SFMBT1: variants seen among roughly 807,000 people sequenced by gnomAD.
The protein encoded by SFMBT1 is Scm like with four mbt domains 1, also known as scm-like with four MBT domains protein 1.
Under a neutral mutation model 108.7 loss-of-function variants are expected in SFMBT1, and 32 were observed. That is an observed-to-expected ratio of 0.29 (90% confidence interval 0.22 to 0.40). The LOEUF (loss-of-function observed/expected upper bound fraction) is 0.40, where lower values mean the gene tolerates loss of function less well. SFMBT1 is among the 10% of genes least tolerant of loss of function. The pLI, the probability that SFMBT1 is intolerant of heterozygous loss-of-function variation, is 1.00. For synonymous variants in SFMBT1, 348 were observed against 369.5 expected (o/e 0.94, Z 0.67); for missense variants, 816 against 1,059.6 (o/e 0.77, Z 3.19).
At chr3:52,919,385 A>C (rs1702451788) in intron 12 of SFMBT1, among the ~76,000 whole-genome samples, 1 of 152,230 alleles carries the variant, frequency 6.6e-6, no homozygotes, top group Admixed American at 6.5e-5. Context: ...AACATGGATG[A>C]ACTCTGAGAG....
At chr3:52,968,433 CATATT>C (rs1166908830) in intron 2 of SFMBT1, among the ~76,000 whole-genome samples, 1 of 151,970 alleles carries the variant, frequency 6.6e-6, no homozygotes, top group Non-Finnish European at 1.5e-5. Flanking sequence ...AGTTTTATAT[CATATT>C]ATAGTAACTA....
At chr3:52,981,611 T>C (rs1394243159) in intron 1 of SFMBT1, among the ~76,000 whole-genome samples, 1 of 149,384 alleles carries the variant, frequency 6.7e-6, no homozygotes, top group Non-Finnish European at 1.5e-5. Flanking sequence ...ACTCCTGGGC[T>C]CAAGCAATCC....
intron 1 of SFMBT1, among the ~76,000 whole-genome samples, chr3:52,996,636 A>G (rs1698343492): frequency 6.6e-6 from 1 of 150,502 alleles, no homozygotes; most frequent in Non-Finnish European, 1.5e-5. Context: ...ACTATGAAGT[A>G]TCATTACACA....
At chr3:53,044,797 C>T (rs1465280342) in intron 1 of SFMBT1, 1 of 152,538 alleles carries the variant, frequency 6.6e-6, no homozygotes, top group Non-Finnish European at 1.5e-5. Context: ...ACCAGTGCTG[C>T]TTCGGGCGAC....
chr3:52,922,374 CAA>C (rs138095735), intron 10 of SFMBT1, among the ~76,000 whole-genome samples: 89,974 of 151,910 alleles, frequency 0.59, 26,998 homozygotes, highest in South Asian at 0.8. Flanking sequence ...GCATCCGTGT[CAA>C]AATGGACAAC....
chr3:52,935,812 A>G (rs1702988415), intron 4 of SFMBT1, among the ~76,000 whole-genome samples: 1 of 152,062 alleles, frequency 6.6e-6, no homozygotes, highest in Non-Finnish European at 1.5e-5. Context: ...ATTTCTTTTC[A>G]TCAGTAGGTT....
intron 1 of SFMBT1, among the ~76,000 whole-genome samples, chr3:52,974,879 T>C (rs192366794): frequency 7.7e-4 from 112 of 144,770 alleles, no homozygotes; most frequent in African/African-American, 2.6e-3. Flanking sequence ...TGGTGGCACA[T>C]GCTTGTAATC....
At chr3:52,978,716 A>G (rs183815474) in intron 1 of SFMBT1, among the ~76,000 whole-genome samples, 4 of 152,374 alleles carry the variant, frequency 2.6e-5, no homozygotes, top group Admixed American at 6.5e-5. Flanking sequence ...AATCAAATGT[A>G]TCAACCAATT....
chr3:52,995,986 A>G (rs571509909), intron 1 of SFMBT1, among the ~76,000 whole-genome samples: 1 of 148,464 alleles, frequency 6.7e-6, no homozygotes, highest in Non-Finnish European at 1.5e-5. Flanking sequence ...CAGAAGAATC[A>G]CTTGAACCCG....
At chr3:52,905,352 T>C (rs1048609690) in intron 20 of SFMBT1, 76 bp from the exon 21 acceptor site, 2 of 1,464,074 alleles carry the variant, frequency 1.4e-6, no homozygotes, top group East Asian at 4.8e-5. Flanking sequence ...CTCTCCTCAC[T>C]TTAGCTCTGT....
At chr3:52,960,773 C>G (rs375903501) in intron 2 of SFMBT1, among the ~76,000 whole-genome samples, 41 of 152,140 alleles carry the variant, frequency 2.7e-4, no homozygotes, top group African/African-American at 9.7e-4. Flanking sequence ...AAGTGTCCAT[C>G]AACAGACGAA....
chr3:52,948,428 A>G (rs1703449680), intron 3 of SFMBT1, among the ~76,000 whole-genome samples: 1 of 152,122 alleles, frequency 6.6e-6, no homozygotes, highest in South Asian at 2.1e-4. Flanking sequence ...TAAAAATCAG[A>G]ATCAGCTTGT....
intron 19 of SFMBT1, among the ~76,000 whole-genome samples, 190 bp from the exon 20 acceptor site, chr3:52,906,431 G>A (rs934899271): frequency 2.0e-5 from 3 of 152,156 alleles, no homozygotes; most frequent in Admixed American, 1.3e-4. Context: ...TTTATAATAC[G>A]AAGTATCAAT....
intron 1 of SFMBT1, among the ~76,000 whole-genome samples, chr3:53,029,242 A>G (rs925227409): frequency 2.6e-5 from 4 of 152,042 alleles, no homozygotes; most frequent in African/African-American, 9.7e-5. Flanking sequence ...AGAATAGACT[A>G]CCACAAATTG....
At chr3:52,986,889 G>A (rs1456084163) in intron 1 of SFMBT1, among the ~76,000 whole-genome samples, 3 of 152,028 alleles carry the variant, frequency 2.0e-5, no homozygotes, top group African/African-American at 4.8e-5. Flanking sequence ...GCAGTGAGCC[G>A]AGATCGTGCC....
intron 2 of SFMBT1, among the ~76,000 whole-genome samples, chr3:52,962,808 CAAAAA>C (rs369325114): frequency 9.9e-6 from 1 of 101,460 alleles, no homozygotes; most frequent in Admixed American, 1.3e-4. Flanking sequence ...CTCCCTGTCT[CAAAAA>C]AAAAAAAAAA....
Position 53,028,348 on chromosome 3 carries a change from C to G in SFMBT1, c.-131+17468G>C, listed in dbSNP as rs373284376. Among the ~76,000 whole-genome samples the G allele has an allele frequency of 2.0e-4, 30 of 152,362 alleles. No individual in the cohort carries two copies. The East Asian group carries it at 5.4e-3, about 27-fold the overall frequency. The stretch of plus-strand genomic sequence containing the variant: ...CCACCTGCCTTGGCCTCCCAAAATG[C>G]TGGGATTACAGGCATGAGCCACCAT... On this transcript the variant is annotated intron_variant, in intron 1 of 20. Coordinates refer to ENST00000394752, the MANE Select transcript of SFMBT1 (RefSeq NM_016329.4).
At chr3:52,958,661 C>T (rs1337887101) in intron 2 of SFMBT1, among the ~76,000 whole-genome samples, 4 of 152,130 alleles carry the variant, frequency 2.6e-5, no homozygotes, top group Non-Finnish European at 4.4e-5. Flanking sequence ...AATAGGAACA[C>T]TTTTACACTG....
intron 1 of SFMBT1, among the ~76,000 whole-genome samples, chr3:52,982,342 G>GC (rs1173598670): frequency 3.9e-5 from 6 of 152,200 alleles, no homozygotes; most frequent in African/African-American, 1.4e-4. Flanking sequence ...CAGATGTCCT[G>GC]CATAACTTCA....
Sources: gnomAD v4.1 joint callset for allele counts (sites outside exome capture counted in the v4.1 genomes callset) on GRCh38, gnomAD v4.1.1 for gene constraint, MANE v1.5 for transcripts, NCBI Gene and HGNC (gene_info 2026-07-23, HGNC 2026-07-21) for gene names.